Variants in DLG2 observed in about 807,000 individuals in gnomAD.
The protein encoded by DLG2 is discs large MAGUK scaffold protein 2.
A neutral mutation model predicts 132.5 loss-of-function variants in DLG2; 45 were observed. That is an observed-to-expected ratio of 0.34 (90% confidence interval 0.27 to 0.44). DLG2 has a LOEUF of 0.44. Ranked by LOEUF, DLG2 falls within the 20% of genes least tolerant of loss-of-function variation. The pLI is 1.00. For missense variants in DLG2, 1,045 were observed against 1,196.9 expected (o/e 0.87, Z 1.87); for synonymous variants, 424 against 419.6 (o/e 1.01, Z -0.13).
intron 18 of DLG2, among the ~76,000 whole-genome samples, chr11:83,767,069 G>A (rs954232434): frequency 4.6e-5 from 7 of 152,116 alleles, no homozygotes; most frequent in Non-Finnish European, 7.4e-5. Context: ...GGCACATCCA[G>A]ATAATCTAGG....
Position 84,035,751 on chromosome 11 carries a change from G to GT in DLG2, c.919+23563dup, listed in dbSNP as rs1365970774. Among the ~76,000 whole-genome samples the GT allele has an allele frequency of 1.2e-4, 18 of 152,280 alleles. 1 individual carries two copies. The highest frequency in any genetic ancestry group is 4.3e-4 in the African/African-American group (18 of 41,568). On this transcript the variant is annotated intron_variant, in intron 11 of 27. Transcript: ENST00000376104. The stretch of plus-strand genomic sequence containing the variant: ...GTGAAGAGACTGTAGAGGGTGCAAA[G>GT]TGGGAACAGGGACCAGTTTGAGTAC...
At chr11:83,689,913 T>C (rs542512461) in intron 18 of DLG2, among the ~76,000 whole-genome samples, 29 of 144,988 alleles carry the variant, frequency 2.0e-4, no homozygotes, top group African/African-American at 6.8e-4. Context: ...TTTATGTAAA[T>C]ATTATATATT....
At chr11:84,709,320 GA>G (rs140802551) in intron 6 of DLG2, among the ~76,000 whole-genome samples, 4 of 151,886 alleles carry the variant, frequency 2.6e-5, no homozygotes, top group African/African-American at 9.6e-5. Flanking sequence ...GTATGAACAT[GA>G]AAAAGCTTCT....
At position 83,541,827 on chromosome 11, in the gene DLG2, T is replaced by C; in HGVS notation, c.1972A>G (p.Ser658Gly). The C allele has an allele frequency of 6.2e-7, 1 of 1,612,264 alleles. No homozygotes were observed. The highest frequency in any genetic ancestry group is 8.5e-7 in the Non-Finnish European group (1 of 1,178,976). Reference sequence around the variant, plus strand: ...CTAAGTCCTTGACTTGGCAGCCCACTGTCCTTGCTCTTGTCGTAGTCGAAC... The same window carrying C: ...CTAAGTCCTTGACTTGGCAGCCCACCGTCCTTGCTCTTGTCGTAGTCGAAC... ...AMFDYDKSKD[S>G]GLPSQGLSFK... Residue 658 changes from serine (S) to glycine (G), a missense_variant, in exon 20 of 28, where the codon AGT becomes GGT. Physicochemically the swap from Ser to Gly is moderately conservative, Grantham distance 56. This residue lies in a region of DLG2 where 398 missense variants were observed against 543.6 expected (regional missense o/e 0.73). Transcript: ENST00000376104.
At chr11:83,712,457 CCT>C (rs1418861015) in intron 18 of DLG2, among the ~76,000 whole-genome samples, 3 of 151,852 alleles carry the variant, frequency 2.0e-5, no homozygotes, top group Admixed American at 6.6e-5. Context: ...GGTGAAATCC[CCT>C]CTCTATTAAA....
chr11:84,540,794 A>G (rs1302409658), intron 6 of DLG2, among the ~76,000 whole-genome samples: 2 of 152,202 alleles, frequency 1.3e-5, no homozygotes, highest in Non-Finnish European at 1.5e-5. Flanking sequence ...ACCAACCCAA[A>G]CATCCATCAA....
chr11:84,664,316 G>C (rs2099697773), intron 6 of DLG2, among the ~76,000 whole-genome samples: 4 of 152,088 alleles, frequency 2.6e-5, no homozygotes, highest in African/African-American at 9.6e-5. Flanking sequence ...CAAAAAGCCT[G>C]AAATAATTTG....
intron 6 of DLG2, among the ~76,000 whole-genome samples, chr11:85,089,460 T>C (rs543152886): frequency 6.6e-6 from 1 of 152,302 alleles, no homozygotes; most frequent in East Asian, 1.9e-4. Flanking sequence ...AAGGAAATGA[T>C]TTAGTTCTTT....
intron 15 of DLG2, among the ~76,000 whole-genome samples, chr11:83,912,142 A>C (rs914115517): frequency 2.2e-5 from 3 of 136,358 alleles, no homozygotes; most frequent in Non-Finnish European, 4.7e-5. Flanking sequence ...AAAGAAAAAA[A>C]TAAAAATGTC....
intron 3 of DLG2, among the ~76,000 whole-genome samples, chr11:85,568,687 A>G (rs1030866088): frequency 1.3e-5 from 2 of 152,110 alleles, no homozygotes; most frequent in Non-Finnish European, 2.9e-5. Context: ...TATGTTGTCT[A>G]ATTTGTTCGG....
intron 3 of DLG2, among the ~76,000 whole-genome samples, chr11:85,362,079 T>C (rs1244131347): frequency 6.6e-6 from 1 of 152,110 alleles, no homozygotes; most frequent in Non-Finnish European, 1.5e-5. Flanking sequence ...AAGTGATCCT[T>C]CCAAGTAGCT....
chr11:84,145,648 G>C (rs145347794), intron 9 of DLG2, among the ~76,000 whole-genome samples: 2 of 152,108 alleles, frequency 1.3e-5, no homozygotes. Flanking sequence ...AAAATATATT[G>C]GTCAGTTTAG....
At chr11:84,260,589 A>G (rs991589279) in intron 7 of DLG2, among the ~76,000 whole-genome samples, 3 of 152,150 alleles carry the variant, frequency 2.0e-5, no homozygotes, top group Admixed American at 2.0e-4. Context: ...TTAACCAACT[A>G]CCTACTGTGT....
chr11:84,472,650 A>C (rs1000993756), intron 7 of DLG2, among the ~76,000 whole-genome samples: 6 of 151,934 alleles, frequency 3.9e-5, no homozygotes, highest in Non-Finnish European at 4.4e-5. Context: ...TAATGTTCAT[A>C]CTTAAGCCCA....
intron 18 of DLG2, among the ~76,000 whole-genome samples, chr11:83,635,153 A>G (rs2064459265): frequency 1.3e-5 from 2 of 152,168 alleles, no homozygotes; most frequent in South Asian, 4.1e-4. Context: ...AGGCAGGAAA[A>G]TCACTTGAGC....
At chr11:85,586,758 G>C (rs2078998414) in intron 3 of DLG2, among the ~76,000 whole-genome samples, 1 of 151,838 alleles carries the variant, frequency 6.6e-6, no homozygotes, top group African/African-American at 2.4e-5. Flanking sequence ...GTTTTTCTTT[G>C]TTTCTCTAGT....
chr11:84,618,015 A>G (rs2099607460), intron 6 of DLG2, among the ~76,000 whole-genome samples: 1 of 152,104 alleles, frequency 6.6e-6, no homozygotes. Context: ...GGGCTTAAAG[A>G]ACACTTAAAA....
At chr11:84,760,303 T>C (rs2067438202) in intron 6 of DLG2, among the ~76,000 whole-genome samples, 1 of 152,218 alleles carries the variant, frequency 6.6e-6, no homozygotes, top group Non-Finnish European at 1.5e-5. Flanking sequence ...AAGGTTCGGC[T>C]TTAGCCTTCT....
At chr11:84,619,058 T>C (rs979197178) in intron 6 of DLG2, among the ~76,000 whole-genome samples, 4 of 151,990 alleles carry the variant, frequency 2.6e-5, no homozygotes, top group Admixed American at 6.6e-5. Flanking sequence ...AATATAATTA[T>C]AAACTTGCAT....
Sources: allele counts gnomAD v4.1 joint callset (sites outside exome capture counted in the v4.1 genomes callset), GRCh38; gene constraint gnomAD v4.1.1; regional missense constraint gnomAD v4.1.1; transcripts MANE v1.5; gene names NCBI Gene and HGNC (gene_info 2026-07-23, HGNC 2026-07-21).